NYAP2: variants seen among roughly 807,000 people sequenced by gnomAD.
NYAP2 encodes neuronal tyrosine-phosphorylated phosphoinositide-3-kinase adapter 2.
In NYAP2, 23 loss-of-function variants were observed where a neutral mutation model predicts 50.4. The observed-to-expected ratio is 0.46, with a 90% CI of 0.33 to 0.65. The LOEUF (loss-of-function observed/expected upper bound fraction) is 0.65. Among genes scored for constraint, NYAP2 ranks in the 30% least tolerant of loss-of-function variants. The pLI is 0.02. For missense variants in NYAP2, 885 were observed against 861.0 expected (o/e 1.03, Z -0.35); for synonymous variants, 394 against 365.2 (o/e 1.08, Z -0.90).
chr2:225,606,114 T>C (rs773493984), intron 5 of NYAP2, among the ~76,000 whole-genome samples: 37 of 152,136 alleles, frequency 2.4e-4, no homozygotes, highest in Non-Finnish European at 2.2e-4. Context: ...GAGTCTAAAT[T>C]CCTCATTTAC....
chr2:225,486,777 C>T (rs1690306790), intron 3 of NYAP2, among the ~76,000 whole-genome samples: 1 of 152,156 alleles, frequency 6.6e-6, no homozygotes, highest in Non-Finnish European at 1.5e-5. Context: ...ATTCTCCCTT[C>T]ACAGTTCAAC....
intron 4 of NYAP2, among the ~76,000 whole-genome samples, chr2:225,541,692 A>C (rs2106204128): frequency 6.6e-6 from 1 of 152,132 alleles, no homozygotes; most frequent in African/African-American, 2.4e-5. Flanking sequence ...GTGTTACTAT[A>C]CCTCTGCAAT....
At chr2:225,474,550 G>C (rs1053415677) in intron 3 of NYAP2, among the ~76,000 whole-genome samples, 1 of 152,054 alleles carries the variant, frequency 6.6e-6, no homozygotes, top group Admixed American at 6.6e-5. Context: ...GGATTCCTAG[G>C]TATTTTATTC....
chr2:225,512,630 CTCCT>C (rs150939276), intron 3 of NYAP2, among the ~76,000 whole-genome samples: 33 of 68,556 alleles, frequency 4.8e-4, no homozygotes, highest in African/African-American at 1.2e-3. Flanking sequence ...TTTACTTTTT[CTCCT>C]TCCTTCCTTC....
intron 5 of NYAP2, among the ~76,000 whole-genome samples, chr2:225,611,900 A>G (rs902687839): frequency 1.1e-5 from 1 of 91,214 alleles, no homozygotes; most frequent in Non-Finnish European, 2.1e-5. Context: ...GTGTGTGTGT[A>G]TACACACACA....
At chr2:225,574,816 G>A (rs1385330666) in intron 4 of NYAP2, among the ~76,000 whole-genome samples, 1 of 152,164 alleles carries the variant, frequency 6.6e-6, no homozygotes, top group Non-Finnish European at 1.5e-5. Flanking sequence ...AAATCTTTCA[G>A]AGATGTCAAC....
downstream of NYAP2, among the ~76,000 whole-genome samples, chr2:225,654,345 G>T (rs1193433114): frequency 6.6e-6 from 1 of 152,032 alleles, no homozygotes; most frequent in Non-Finnish European, 1.5e-5. Flanking sequence ...GAGATTAATA[G>T]ACTTCTTACT....
chr2:225,586,688 T>C (rs1489316203), intron 5 of NYAP2, among the ~76,000 whole-genome samples: 1 of 152,216 alleles, frequency 6.6e-6, no homozygotes, highest in African/African-American at 2.4e-5. Flanking sequence ...GATTTTGATT[T>C]GATTTTTTAG....
At chr2:225,441,531 C>T (rs769517489) in intron 3 of NYAP2, among the ~76,000 whole-genome samples, 36 of 152,290 alleles carry the variant, frequency 2.4e-4, no homozygotes, top group Admixed American at 1.8e-3. Context: ...AATTGACTCA[C>T]AGTTCTGCAG....
the NYAP2 span, among the ~76,000 whole-genome samples, chr2:225,664,564 A>C: frequency 5.9e-5 from 9 of 152,210 alleles, no homozygotes; most frequent in African/African-American, 2.2e-4. Context: ...AGAGAGAAAA[A>C]TTAGAGAATA....
the NYAP2 span, among the ~76,000 whole-genome samples, chr2:225,692,272 C>A: frequency 6.6e-6 from 1 of 152,048 alleles, no homozygotes; most frequent in South Asian, 2.1e-4. Context: ...AGAGTATTTT[C>A]TTTTCTCTTT....
rs1424670095 is a variant in NYAP2 at position 225,400,569 on chromosome 2, C to G, written c.-492C>G. ...TATTTTTGTCTTCGCAGAATATAAT[C>G]AAATGAGGTACATTAGCCAGCTTGG... On this transcript the variant is annotated 5_prime_UTR_variant, in exon 2 of 7. It adds an upstream start codon to the 5' untranslated region. Coordinates refer to ENST00000636099, the Ensembl canonical transcript of NYAP2. The G allele has an allele frequency of 6.6e-6, 1 of 152,036 alleles. No homozygotes were observed. Among genetic ancestry groups the G allele is most frequent in the African/African-American group, 2.4e-5 (1 of 41,414 alleles). The allele number at this position is 152,036 out of a possible 1,614,324, so 9.4% of individuals were successfully genotyped here. A position where few individuals can be genotyped will look rare whatever the true frequency, so the allele number is the denominator to read the frequency against.
chr2:225,664,072 A>G, the NYAP2 span, among the ~76,000 whole-genome samples: 4 of 152,136 alleles, frequency 2.6e-5, no homozygotes, highest in Non-Finnish European at 5.9e-5. Flanking sequence ...ATAACCATGA[A>G]AGGCCTTATT....
the NYAP2 span, among the ~76,000 whole-genome samples, chr2:225,662,727 A>G: frequency 6.6e-6 from 1 of 152,262 alleles, no homozygotes; most frequent in Non-Finnish European, 1.5e-5. Flanking sequence ...GTCAGGAGTA[A>G]TCCTACCCAA....
intron 4 of NYAP2, among the ~76,000 whole-genome samples, chr2:225,519,971 G>A (rs1691017036): frequency 6.6e-6 from 1 of 152,098 alleles, no homozygotes; most frequent in Admixed American, 6.6e-5. Context: ...ATTCTAACTG[G>A]TGTGAGATGG....
intron 6 of NYAP2, among the ~76,000 whole-genome samples, chr2:225,637,981 C>G (rs1430277238): frequency 6.6e-6 from 1 of 152,046 alleles, no homozygotes; most frequent in African/African-American, 2.4e-5. Flanking sequence ...AGGAGTTGAT[C>G]GAAATGAATA....
intron 4 of NYAP2, among the ~76,000 whole-genome samples, chr2:225,575,105 G>A (rs941432805): frequency 2.0e-5 from 3 of 152,030 alleles, no homozygotes; most frequent in Admixed American, 1.3e-4. Context: ...ACTCTCCTTC[G>A]TTAGGTCCAC....
At chr2:225,551,288 G>A (rs1389374011) in intron 4 of NYAP2, among the ~76,000 whole-genome samples, 3 of 152,180 alleles carry the variant, frequency 2.0e-5, no homozygotes, top group African/African-American at 4.8e-5. Context: ...GCAAACAGAG[G>A]CATGATAAAT....
the NYAP2 span, among the ~76,000 whole-genome samples, chr2:225,689,103 G>A: frequency 2.0e-5 from 3 of 152,136 alleles, no homozygotes; most frequent in Non-Finnish European, 4.4e-5. Flanking sequence ...TCTATTAGGA[G>A]CTTGAAATAA....
Sources: gnomAD v4.1 joint callset for allele counts (sites outside exome capture counted in the v4.1 genomes callset) on GRCh38, gnomAD v4.1.1 for gene constraint, MANE v1.5 for transcripts, NCBI Gene and HGNC (gene_info 2026-07-23, HGNC 2026-07-21) for gene names.